The following ARHGEF10 variants were observed in gnomAD, a reference collection of about 807,000 sequenced individuals.
ARHGEF10 encodes the protein Rho guanine nucleotide exchange factor (GEF) 10.
In ARHGEF10, 140 loss-of-function variants were observed where a neutral mutation model predicts 147.4. The observed-to-expected ratio is 0.95, with a 90% confidence interval of 0.83 to 1.09. The LOEUF (loss-of-function observed/expected upper bound fraction) is 1.09, where lower values mean the gene tolerates loss of function less well. Ranked by LOEUF, ARHGEF10 falls within the 50% of genes least tolerant of loss-of-function variation. The pLI is 0.00. For missense variants in ARHGEF10, 2,222 were observed against 1,752.7 expected, an observed-to-expected ratio of 1.27 and a Z score of -4.78; for synonymous variants, 902 against 695.8, an observed-to-expected ratio of 1.30 and a Z score of -4.67.
At chr8:1,908,167 G>A (rs1388496301) in intron 17 of ARHGEF10, among the ~76,000 whole-genome samples, 1 of 151,654 alleles carries the variant, frequency 6.6e-6, no homozygotes, top group Non-Finnish European at 1.5e-5. Flanking sequence ...CTCCCAGCCA[G>A]TCAGGTGCTC....
chr8:1,897,314 A>AT (rs1810058560), intron 14 of ARHGEF10, among the ~76,000 whole-genome samples: 1 of 152,188 alleles, frequency 6.6e-6, no homozygotes, highest in African/African-American at 2.4e-5. Flanking sequence ...TCTGTGGCCC[A>AT]TGGAGGTTTG....
intron 4 of ARHGEF10, among the ~76,000 whole-genome samples, chr8:1,862,722 A>G (rs1391135128): frequency 6.6e-6 from 1 of 151,086 alleles, no homozygotes; most frequent in Non-Finnish European, 1.5e-5. Context: ...TCTGCAAAAC[A>G]CAAGTAAAAG....
In ARHGEF10 at chr8:1,844,197, C is replaced by T. The variant is rs533133197; in HGVS notation, c.37+761C>T. The stretch of plus-strand genomic sequence containing the variant: ...TGTGTGGGCTCCAGGCCCCTTGGCA[C>T]TGTGGGTGTGGGTCTTGGGAGATGC... On this transcript the variant is annotated intron_variant, in intron 2 of 28. Transcript: ENST00000349830. Among the ~76,000 whole-genome samples the T allele has an allele frequency of 4.6e-5, 7 of 152,252 alleles. No individual in the cohort carries two copies. In the East Asian group the frequency reaches 1.4e-3, roughly 29 times the overall value.
At chr8:1,831,980 G>T (rs1195092455) in intron 1 of ARHGEF10, among the ~76,000 whole-genome samples, 1 of 152,166 alleles carries the variant, frequency 6.6e-6, no homozygotes, top group Non-Finnish European at 1.5e-5. Flanking sequence ...GGAGGGTGGT[G>T]CCCGAGCCTG....
intron 1 of ARHGEF10, among the ~76,000 whole-genome samples, chr8:1,830,908 C>A (rs2129034123): frequency 1.3e-5 from 2 of 152,348 alleles, no homozygotes; most frequent in African/African-American, 4.8e-5. Flanking sequence ...GAGCTGAGCC[C>A]ACGTCCACAG....
At chr8:1,838,860 G>A (rs576947754) in intron 1 of ARHGEF10, among the ~76,000 whole-genome samples, 1 of 152,286 alleles carries the variant, frequency 6.6e-6, no homozygotes, top group Admixed American at 6.5e-5. Flanking sequence ...TGTCTGGTGT[G>A]GGGACTGTCC....
In ARHGEF10 at chr8:1,956,661, C is replaced by T. The variant is rs59021972; in HGVS notation, c.3521-88C>T. ...TTTGTTATTTGGGCAGGGAGGAATG[C>T]GTTGGGGTTAAGCCCTGCACTTTTT... On this transcript the variant is annotated intron_variant, in intron 28 of 28. Transcript: ENST00000349830. 8.3e-3 allele frequency: 11,732 copies of T among 1,417,986 alleles called. 717 individuals are homozygous for T. The African/African-American group carries it at 0.14, about 17-fold the overall frequency. 87.8% of individuals were successfully genotyped at this position (1,417,986 alleles called of 1,614,324 possible).
chr8:1,850,955 C>T (rs984177410), intron 2 of ARHGEF10, among the ~76,000 whole-genome samples: 5 of 151,954 alleles, frequency 3.3e-5, no homozygotes, highest in South Asian at 4.1e-4. Flanking sequence ...GAAAAGGCTG[C>T]GCCCGGTGCG....
At chr8:1,897,528 A>T in intron 14 of ARHGEF10, among the ~76,000 whole-genome samples, 1 of 148,602 alleles carries the variant, frequency 6.7e-6, no homozygotes, top group East Asian at 2.0e-4. Context: ...GTCCTAAGGC[A>T]TCGGATCGCA....
Position 1,929,292 on chromosome 8 carries a change from C to T in ARHGEF10, c.2928C>T (p.Ser976=). Residue 976 remains serine, a synonymous_variant, in exon 25 of 29, where the codon TCC becomes TCT. Transcript: ENST00000349830. ...ICVGTEEGSI[S]IYKSSQGSKK... is the part of the protein sequence containing the mutation. ...TTGTATTTTTCTCTTAAAGCATTTC[C>T]ATTTATAAAAGCAGTCAAGGCTCCA... 1 of 1,614,052 alleles carries T rather than the reference C, an allele frequency of 6.2e-7. No homozygotes were observed.
Position 1,928,500 on chromosome 8 carries a change from A to C in ARHGEF10, c.2771A>C (p.Glu924Ala). 1.2e-6 allele frequency: 2 copies of C among 1,614,162 alleles called. No homozygotes were observed. The highest frequency in any genetic ancestry group is 1.7e-6 in the Non-Finnish European group (2 of 1,180,038). ...SFQNSTPKVIECFNVESRILC... is the reference protein window; with the variant it reads ...SFQNSTPKVIACFNVESRILC... ...CAAAATTCCACTCCCAAAGTCATTG[A>C]GTGCTTCAACGTGGAATCTCGCATC... is the stretch of plus-strand genomic sequence containing the variant. The change falls in exon 24 of 29, where the codon GAG becomes GCG. Residue 924 changes from glutamate (E) to alanine (A), a missense_variant. Glu to Ala is a moderately radical substitution (Grantham distance 107). Coordinates refer to ENST00000349830, the MANE Select transcript of ARHGEF10 (RefSeq NM_014629.4).
intron 17 of ARHGEF10, 51 bp from the exon 18 acceptor site, chr8:1,909,244 T>C (rs375807561): frequency 1.2e-5 from 20 of 1,607,818 alleles, no homozygotes; most frequent in Non-Finnish European, 1.7e-5. Flanking sequence ...AACATTACCA[T>C]AACGTGTTCA....
chr8:1,899,494 AG>A (rs1480191496), intron 15 of ARHGEF10, among the ~76,000 whole-genome samples: 1 of 152,092 alleles, frequency 6.6e-6, no homozygotes, highest in Non-Finnish European at 1.5e-5. Flanking sequence ...CCTTCCATTG[AG>A]GTTATTTTTA....
intron 1 of ARHGEF10, among the ~76,000 whole-genome samples, chr8:1,841,030 G>T (rs1803990784): frequency 6.6e-6 from 1 of 152,190 alleles, no homozygotes; most frequent in African/African-American, 2.4e-5. Flanking sequence ...CCCTCTCCCG[G>T]CCGGTGGGTG....
At chr8:1,907,642 G>T (rs1811008249) in intron 17 of ARHGEF10, among the ~76,000 whole-genome samples, 1 of 152,158 alleles carries the variant, frequency 6.6e-6, no homozygotes, top group Non-Finnish European at 1.5e-5. Context: ...CTTTAAAGAT[G>T]AATTAAAATG....
chr8:1,832,585 GA>G, intron 1 of ARHGEF10, among the ~76,000 whole-genome samples: 1 of 125,832 alleles, frequency 7.9e-6, no homozygotes, highest in East Asian at 2.4e-4. Context: ...CAGAGGCAGA[GA>G]CAGAGACAGA....
chr8:1,954,217 C>T (rs1413686508), intron 28 of ARHGEF10, among the ~76,000 whole-genome samples: 1 of 152,116 alleles, frequency 6.6e-6, no homozygotes, highest in Non-Finnish European at 1.5e-5. Context: ...CCTCAGCCTC[C>T]CTAGTAGCTG....
chr8:1,833,388 C>CAGG (rs1563150404), intron 1 of ARHGEF10, among the ~76,000 whole-genome samples: 1 of 122,554 alleles, frequency 8.2e-6, no homozygotes, highest in Non-Finnish European at 1.8e-5. Flanking sequence ...GCAGGTGCAG[C>CAGG]GACAGGGGCA....
At position 1,902,162 on chromosome 8, in the gene ARHGEF10, G is replaced by A. The variant is rs535370233; in HGVS notation, c.1651-1119G>A. Among the ~76,000 whole-genome samples, 299 of 150,096 alleles carry A rather than the reference G, an allele frequency of 2.0e-3. 1 individual carries two copies. The highest frequency in any genetic ancestry group is 7.1e-3 in the African/African-American group (291 of 41,070). ...TCTCCCTCCCCTCACCCCCCGCCCC[G>A]CAACAGGCCCCGGTGTGTGATGCGC... is the stretch of plus-strand genomic sequence containing the variant. On this transcript the variant is annotated intron_variant, in intron 15 of 28. Transcript: ENST00000349830.
Sources: allele counts gnomAD v4.1 joint callset (sites outside exome capture counted in the v4.1 genomes callset), GRCh38; gene constraint gnomAD v4.1.1; transcripts MANE v1.5; gene names NCBI Gene and HGNC (gene_info 2026-07-23, HGNC 2026-07-21).